The following CCDC85A variants were observed in gnomAD, a reference collection of about 807,000 sequenced individuals.
CCDC85A encodes coiled-coil domain-containing protein 85A.
A neutral mutation model predicts 50.2 loss-of-function variants in CCDC85A; 38 were observed. That is an observed-to-expected ratio of 0.76 (90% CI 0.58 to 0.99). The LOEUF (loss-of-function observed/expected upper bound fraction) is 0.99. CCDC85A is among the 50% of genes least tolerant of loss of function. The probability of loss-of-function intolerance (pLI) is 0.00; values close to 1 mark genes in which losing one functional copy is unlikely to be tolerated. For synonymous variants in CCDC85A, 366 were observed against 301.4 expected, an observed-to-expected ratio of 1.21 and a Z score of -2.22; for missense variants, 820 against 742.0, an observed-to-expected ratio of 1.11 and a Z score of -1.22.
intron 2 of CCDC85A, among the ~76,000 whole-genome samples, chr2:56,342,485 A>T (rs1257228537): frequency 6.6e-6 from 1 of 152,214 alleles, no homozygotes; most frequent in East Asian, 1.9e-4. Context: ...TTTACTAATT[A>T]ATAATGATGT....
chr2:56,377,061 A>C (rs1447677721), intron 5 of CCDC85A, among the ~76,000 whole-genome samples: 6 of 152,240 alleles, frequency 3.9e-5, no homozygotes, highest in Admixed American at 3.3e-4. Context: ...GCTTTAGCTT[A>C]TACAAAATGA....
intron 2 of CCDC85A, among the ~76,000 whole-genome samples, chr2:56,306,640 C>G (rs1260505458): frequency 2.0e-5 from 3 of 152,092 alleles, no homozygotes; most frequent in Admixed American, 1.3e-4. Context: ...TTACTGTATA[C>G]AGTAGCCTCA....
intron 5 of CCDC85A, among the ~76,000 whole-genome samples, chr2:56,378,792 A>T (rs1676454384): frequency 6.6e-6 from 1 of 152,198 alleles, no homozygotes; most frequent in Admixed American, 6.5e-5. Context: ...CAGGTAGCAG[A>T]TGTGAACATC....
intron 2 of CCDC85A, among the ~76,000 whole-genome samples, chr2:56,255,662 C>T (rs371767915): frequency 1.4e-4 from 22 of 152,110 alleles, no homozygotes; most frequent in African/African-American, 5.3e-4. Context: ...GGTCATTGGG[C>T]TGGGAATGGA....
intron 2 of CCDC85A, among the ~76,000 whole-genome samples, chr2:56,301,183 T>C (rs1336635827): frequency 6.6e-6 from 1 of 152,224 alleles, no homozygotes; most frequent in African/African-American, 2.4e-5. Context: ...TCACAATATT[T>C]CTGTTGTATG....
At chr2:56,228,640 C>T (rs1668644775) in intron 2 of CCDC85A, among the ~76,000 whole-genome samples, 3 of 152,066 alleles carry the variant, frequency 2.0e-5, no homozygotes, top group East Asian at 3.9e-4. Flanking sequence ...TCACATCATT[C>T]TCCTGCCTCA....
In CCDC85A at chr2:56,193,577, G is replaced by A. The variant is rs962084403; in HGVS notation, c.1240+137G>A. On this transcript the variant is annotated intron_variant, in intron 2 of 5. Coordinates refer to ENST00000407595, the MANE Select transcript of CCDC85A (RefSeq NM_001080433.2). ...GGGTTTGGGGAAGGAGCAAATGTTGGACCCAAAATCATGATATGGGGTTCT... is the reference window on the plus strand; with the variant it reads ...GGGTTTGGGGAAGGAGCAAATGTTGAACCCAAAATCATGATATGGGGTTCT... The A allele has an allele frequency of 1.2e-5, 11 of 936,530 alleles. No individual in the cohort carries two copies. The Admixed American group carries it at 1.5e-4, about 12-fold the overall frequency. The allele number at this position is 936,530 out of a possible 1,614,324, so 58.0% of individuals were successfully genotyped here.
rs1224249412 is a variant in CCDC85A, at chr2:56,184,595, C to G, written c.-30C>G. The G allele has an allele frequency of 1.4e-6, 2 of 1,388,082 alleles. No individual in the cohort carries two copies. The highest frequency in any genetic ancestry group is 1.8e-6 in the Non-Finnish European group (2 of 1,084,248). The allele number at this position is 1,388,082 out of a possible 1,614,324, so 86.0% of individuals were successfully genotyped here. A position where few individuals can be genotyped will look rare whatever the true frequency, so the allele number is the denominator to read the frequency against. ...TTCGGGAGTCGCCTCGCCTCTTCCA[C>G]CCACTTGCACCTGCCACCCCGCGGA... On this transcript the variant is annotated 5_prime_UTR_variant, in exon 1 of 6. Coordinates refer to ENST00000407595, the MANE Select transcript of CCDC85A (RefSeq NM_001080433.2).
At chr2:56,370,276 A>T (rs992884376) in intron 3 of CCDC85A, among the ~76,000 whole-genome samples, 1 of 152,096 alleles carries the variant, frequency 6.6e-6, no homozygotes. Flanking sequence ...TTCAGCAAAC[A>T]CTGTAATTGG....
intron 2 of CCDC85A, among the ~76,000 whole-genome samples, chr2:56,298,097 T>A (rs993873638): frequency 2.0e-5 from 3 of 152,138 alleles, no homozygotes; most frequent in Non-Finnish European, 4.4e-5. Context: ...CTGGGGTTGA[T>A]GTTATGTGGA....
At position 56,231,768 on chromosome 2, in the gene CCDC85A, A is replaced by T. The variant is rs148843447; in HGVS notation, c.1240+38328A>T. Among the ~76,000 whole-genome samples the T allele has an allele frequency of 1.1e-4, 17 of 152,308 alleles. No homozygotes were observed. The East Asian group carries it at 2.9e-3, about 26-fold the overall frequency. ...TTGTAGGAAAAAGATCCTGAACTTT[A>T]TCAGGGATGTTTGTAGTTACTGTTT... On this transcript the variant is annotated intron_variant, in intron 2 of 5. Coordinates refer to ENST00000407595, the MANE Select transcript of CCDC85A (RefSeq NM_001080433.2).
intron 2 of CCDC85A, among the ~76,000 whole-genome samples, chr2:56,246,287 T>G (rs1669506422): frequency 6.6e-6 from 1 of 152,226 alleles, no homozygotes; most frequent in Non-Finnish European, 1.5e-5. Flanking sequence ...TACAAGTTGC[T>G]TATCAAATAT....
chr2:56,250,766 A>G (rs1274835266), intron 2 of CCDC85A, among the ~76,000 whole-genome samples: 2 of 152,208 alleles, frequency 1.3e-5, no homozygotes, highest in African/African-American at 4.8e-5. Context: ...GTCTCTGTTC[A>G]TTGAGTTATC....
intron 2 of CCDC85A, among the ~76,000 whole-genome samples, chr2:56,224,230 G>A (rs79406167): frequency 6.6e-6 from 1 of 152,088 alleles, no homozygotes; most frequent in Non-Finnish European, 1.5e-5. Flanking sequence ...ATGGTCTTTT[G>A]TGACTATCTT....
At chr2:56,310,374 C>T (rs1174917228) in intron 2 of CCDC85A, among the ~76,000 whole-genome samples, 1 of 152,152 alleles carries the variant, frequency 6.6e-6, no homozygotes, top group Non-Finnish European at 1.5e-5. Flanking sequence ...ATTTAGTTTT[C>T]TGGTACTCAG....
At chr2:56,284,381 A>C (rs1204954582) in intron 2 of CCDC85A, among the ~76,000 whole-genome samples, 1 of 151,780 alleles carries the variant, frequency 6.6e-6, no homozygotes, top group African/African-American at 2.4e-5. Flanking sequence ...AAATCTTCTT[A>C]TTTTTTTTGA....
chr2:56,227,560 A>G (rs1466175492), intron 2 of CCDC85A, among the ~76,000 whole-genome samples: 1 of 152,078 alleles, frequency 6.6e-6, no homozygotes, highest in Non-Finnish European at 1.5e-5. Flanking sequence ...TCTCAGGTTT[A>G]TTCTCTGAAG....
chr2:56,291,416 C>A (rs1671697787), intron 2 of CCDC85A, among the ~76,000 whole-genome samples: 1 of 152,118 alleles, frequency 6.6e-6, no homozygotes, highest in Admixed American at 6.5e-5. Context: ...GTGAAAAGAG[C>A]TGGTGGTAAG....
intron 5 of CCDC85A, chr2:56,383,794 G>A: frequency 1.1e-6 from 1 of 941,882 alleles, no homozygotes; most frequent in Non-Finnish European, 1.3e-6. Context: ...GATATCCTTT[G>A]TTATGGATGT....
Sources: allele counts gnomAD v4.1 joint callset (sites outside exome capture counted in the v4.1 genomes callset), GRCh38; gene constraint gnomAD v4.1.1; transcripts MANE v1.5; gene names NCBI Gene and HGNC (gene_info 2026-07-23, HGNC 2026-07-21).